The following CACNA2D3 variants were observed in gnomAD, a reference collection of about 807,000 sequenced individuals.
The protein encoded by CACNA2D3 is calcium voltage-gated channel auxiliary subunit alpha2delta 3.
In CACNA2D3, 60 loss-of-function variants were observed where a neutral mutation model predicts 160.6. That is an observed-to-expected ratio of 0.37 (90% CI 0.30 to 0.46). The LOEUF (loss-of-function observed/expected upper bound fraction) is 0.46, where lower values mean the gene tolerates loss of function less well. CACNA2D3 is among the 20% of genes least tolerant of loss of function. The probability of loss-of-function intolerance (pLI) is 1.00; values close to 1 mark genes in which losing one functional copy is unlikely to be tolerated. For missense variants in CACNA2D3, 1,205 were observed against 1,365.0 expected, an observed-to-expected ratio of 0.88 and a Z score of 1.85; for synonymous variants, 558 against 492.9, an observed-to-expected ratio of 1.13 and a Z score of -1.75.
At chr3:54,750,732 G>C (rs1323905165) in intron 11 of CACNA2D3, among the ~76,000 whole-genome samples, 1 of 151,924 alleles carries the variant, frequency 6.6e-6, no homozygotes. Flanking sequence ...TATGAAGGAG[G>C]GTCAGTGGTA....
In CACNA2D3 at chr3:54,822,391, C is replaced by A. The variant is rs114627007; in HGVS notation, c.1398+5521C>A. Among the ~76,000 whole-genome samples, 1,071 of 152,332 alleles carry A rather than the reference C, an allele frequency of 7.0e-3. 15 individuals carry two copies. The highest frequency in any genetic ancestry group is 0.024 in the African/African-American group (1,001 of 41,584). ...GTGATGGCATATTGCCCAACCCTAA[C>A]AATGGTTATATAACTAAGTATTTTG... On this transcript the variant is annotated intron_variant, in intron 14 of 37. Transcript: ENST00000474759.
intron 11 of CACNA2D3, among the ~76,000 whole-genome samples, chr3:54,654,855 C>T (rs770195622): frequency 3.0e-4 from 46 of 152,162 alleles, no homozygotes; most frequent in African/African-American, 7.2e-4. Flanking sequence ...AGGATGAAGG[C>T]GTTGGGAATG....
At chr3:54,557,430 A>T (rs576960040) in intron 5 of CACNA2D3, among the ~76,000 whole-genome samples, 1 of 152,342 alleles carries the variant, frequency 6.6e-6, no homozygotes, top group South Asian at 2.1e-4. Flanking sequence ...GGAGGTCTGG[A>T]CACCAAAGAA....
chr3:54,224,792 C>G (rs1379928750), intron 2 of CACNA2D3, among the ~76,000 whole-genome samples: 1 of 151,534 alleles, frequency 6.6e-6, no homozygotes, highest in Non-Finnish European at 1.5e-5. Context: ...ACACATTTAC[C>G]TTTTTGGTTG....
intron 2 of CACNA2D3, among the ~76,000 whole-genome samples, chr3:54,296,040 C>T (rs141321151): frequency 4.6e-4 from 70 of 152,250 alleles, no homozygotes; most frequent in Admixed American, 2.5e-3. Context: ...AGTTGGAGGA[C>T]GTCCCTTGGG....
At chr3:54,193,443 G>A (rs921013348) in intron 2 of CACNA2D3, among the ~76,000 whole-genome samples, 9 of 151,884 alleles carry the variant, frequency 5.9e-5, no homozygotes, top group Non-Finnish European at 1.0e-4. Context: ...TCTGACAGTG[G>A]CATTGGATAC....
At chr3:54,560,582 A>G (rs1202732670) in intron 5 of CACNA2D3, among the ~76,000 whole-genome samples, 1 of 152,212 alleles carries the variant, frequency 6.6e-6, no homozygotes, top group Non-Finnish European at 1.5e-5. Context: ...TGGTTTAATT[A>G]GATCCCATTT....
At chr3:54,908,291 C>T (rs1014113432) in intron 27 of CACNA2D3, among the ~76,000 whole-genome samples, 1 of 152,136 alleles carries the variant, frequency 6.6e-6, no homozygotes, top group Non-Finnish European at 1.5e-5. Context: ...AGCATCTTTT[C>T]GTGTGCTTAC....
intron 2 of CACNA2D3, among the ~76,000 whole-genome samples, chr3:54,242,643 A>G (rs1029547108): frequency 5.3e-5 from 8 of 152,154 alleles, no homozygotes; most frequent in South Asian, 4.1e-4. Flanking sequence ...GGTAGCATAT[A>G]TGGTGTGACT....
chr3:54,123,385 T>G, intron 1 of CACNA2D3, 128 bp from the exon 2 acceptor site: 1 of 729,938 alleles, frequency 1.4e-6, no homozygotes, highest in Non-Finnish European at 2.4e-6. Context: ...TTTCTATCTT[T>G]TCTTCTTTTA....
intron 3 of CACNA2D3, among the ~76,000 whole-genome samples, chr3:54,363,188 C>T (rs1406520640): frequency 2.0e-5 from 3 of 150,080 alleles, no homozygotes; most frequent in African/African-American, 7.5e-5. Flanking sequence ...AGCGAGACTC[C>T]ATCTCCAAAT....
At chr3:54,957,058 A>G (rs1447444810) in intron 27 of CACNA2D3, among the ~76,000 whole-genome samples, 1 of 152,196 alleles carries the variant, frequency 6.6e-6, no homozygotes, top group East Asian at 1.9e-4. Context: ...TCTAGCAGAC[A>G]CCTGGCACAT....
At chr3:54,465,331 C>A (rs1288690758) in intron 4 of CACNA2D3, among the ~76,000 whole-genome samples, 1 of 152,064 alleles carries the variant, frequency 6.6e-6, no homozygotes, top group Non-Finnish European at 1.5e-5. Context: ...ATTTGAGGGA[C>A]AGAGAGCTAG....
intron 2 of CACNA2D3, among the ~76,000 whole-genome samples, chr3:54,300,169 T>C (rs146142300): frequency 1.2e-3 from 183 of 152,376 alleles, no homozygotes; most frequent in African/African-American, 4.1e-3. Flanking sequence ...TGTTTAACTT[T>C]TTAGCTTCCT....
At chr3:54,230,150 G>A (rs1322851743) in intron 2 of CACNA2D3, among the ~76,000 whole-genome samples, 1 of 147,682 alleles carries the variant, frequency 6.8e-6, no homozygotes, top group Non-Finnish European at 1.5e-5. Flanking sequence ...TTTCCATTCT[G>A]TGTTTTAAGT....
chr3:54,523,768 C>G (rs1035579363), intron 5 of CACNA2D3, among the ~76,000 whole-genome samples: 1 of 151,974 alleles, frequency 6.6e-6, no homozygotes, highest in Non-Finnish European at 1.5e-5. Flanking sequence ...TCCATTTCAT[C>G]TAAGTTATTT....
At chr3:54,918,952 C>G (rs964157455) in intron 27 of CACNA2D3, 2 of 1,370,504 alleles carry the variant, frequency 1.5e-6, no homozygotes, top group Admixed American at 2.7e-5. Context: ...GTTCCAAAAT[C>G]CTCTGCCTGC....
intron 9 of CACNA2D3, among the ~76,000 whole-genome samples, chr3:54,618,121 T>C (rs558656641): frequency 9.9e-4 from 150 of 151,924 alleles, no homozygotes; most frequent in Admixed American, 2.9e-3. Context: ...AAGCACTCTG[T>C]CTACATTATC....
chr3:54,413,424 C>CTATATATATCTATATATATATCTATA (rs1575442002), intron 4 of CACNA2D3, among the ~76,000 whole-genome samples: 5 of 145,542 alleles, frequency 3.4e-5, no homozygotes, highest in Non-Finnish European at 6.0e-5. Flanking sequence ...ATATAGATAT[C>CTATATATATCTATATATATATCTATA]TATATATATA....
Sources: allele counts gnomAD v4.1 joint callset (sites outside exome capture counted in the v4.1 genomes callset), GRCh38; gene constraint gnomAD v4.1.1; transcripts MANE v1.5; gene names NCBI Gene and HGNC (gene_info 2026-07-23, HGNC 2026-07-21).